Variants in CACHD1 observed in about 807,000 individuals in gnomAD.
The protein encoded by CACHD1 is cache domain containing 1.
CACHD1 carries 71 observed loss-of-function variants against 138.7 expected under a neutral mutation model. The ratio of observed to expected loss-of-function variants is 0.51; its 90% CI spans 0.42 to 0.62. The LOEUF is 0.62. Ranked by LOEUF, CACHD1 falls within the 20% of genes least tolerant of loss-of-function variation. The pLI is 0.00. For missense variants in CACHD1, 1,389 were observed against 1,625.3 expected (o/e 0.85, Z 2.50); for synonymous variants, 578 against 591.5 (o/e 0.98, Z 0.33).
intron 7 of CACHD1, among the ~76,000 whole-genome samples, chr1:64,638,333 G>A (rs995231175): frequency 1.3e-5 from 2 of 152,178 alleles, no homozygotes; most frequent in Non-Finnish European, 1.5e-5. Flanking sequence ...TACTCTTGAC[G>A]ATTGTTGTAA....
chr1:64,631,327 ACT>A (rs1422105312), intron 5 of CACHD1, among the ~76,000 whole-genome samples: 1 of 151,918 alleles, frequency 6.6e-6, no homozygotes, highest in African/African-American at 2.4e-5. Context: ...TCTTTTCTGT[ACT>A]CTGTTTCATT....
At chr1:64,544,429 C>T (rs1469061822) in intron 1 of CACHD1, among the ~76,000 whole-genome samples, 1 of 152,070 alleles carries the variant, frequency 6.6e-6, no homozygotes, top group Non-Finnish European at 1.5e-5. Context: ...GTCCTTGTTC[C>T]AGCAAAGTGG....
In CACHD1 at chr1:64,654,410, T is replaced by C. The variant is rs1649197572; in HGVS notation, c.1665-276T>C. Among the ~76,000 whole-genome samples the C allele has an allele frequency of 2.6e-5, 4 of 152,198 alleles. No homozygotes were observed. In the South Asian group the frequency reaches 8.3e-4, roughly 32 times the overall value. ...AGGAATGGGTCTTTGTGCTCATTGG[T>C]TGAAAATTAATGACTGAGTGATTTG... On this transcript the variant is annotated intron_variant, in intron 11 of 26. Transcript: ENST00000651257.
chr1:64,558,608 A>AG (rs1356836159), intron 2 of CACHD1, among the ~76,000 whole-genome samples: 2 of 152,218 alleles, frequency 1.3e-5, no homozygotes, highest in African/African-American at 2.4e-5. Context: ...CACGACAAAG[A>AG]CACCAAGAGC....
At chr1:64,600,637 A>T (rs974471295) in intron 3 of CACHD1, among the ~76,000 whole-genome samples, 1 of 152,222 alleles carries the variant, frequency 6.6e-6, no homozygotes, top group Non-Finnish European at 1.5e-5. Context: ...AACAAAATCA[A>T]CAAGACATGG....
intron 1 of CACHD1, among the ~76,000 whole-genome samples, chr1:64,487,454 T>A (rs984464940): frequency 6.6e-6 from 1 of 152,154 alleles, no homozygotes; most frequent in African/African-American, 2.4e-5. Context: ...CCAAAGCTCC[T>A]AGAGCTGGGT....
Position 64,647,924 on chromosome 1 carries a change from A to G in CACHD1, c.1280A>G (p.Asn427Ser). The G allele has an allele frequency of 1.2e-6, 2 of 1,614,142 alleles. No homozygotes were observed. The highest frequency in any genetic ancestry group is 1.7e-6 in the Non-Finnish European group (2 of 1,180,008). ...PVIKGSMMVL[N>S]QLSNLETTVG... ...ATTAAGGGCAGCATGATGGTGCTGA[A>G]TCAGTTGAGCAACCTGGAGACCACA... The change falls in exon 9 of 27, where the codon AAT becomes AGT. Residue 427 changes from asparagine to serine, a missense_variant. Asn to Ser is a conservative substitution (Grantham distance 46, BLOSUM62 1). Transcript: ENST00000651257.
chr1:64,555,212 C>T (rs923507383), intron 2 of CACHD1, among the ~76,000 whole-genome samples: 2 of 152,066 alleles, frequency 1.3e-5, no homozygotes, highest in South Asian at 2.1e-4. Context: ...TGGTCTTGAA[C>T]TCCTGAGCTC....
chr1:64,581,052 C>T (rs1647008557), intron 2 of CACHD1, among the ~76,000 whole-genome samples: 1 of 152,116 alleles, frequency 6.6e-6, no homozygotes, highest in African/African-American at 2.4e-5. Flanking sequence ...ACATTATACT[C>T]ATATCCCTTT....
intron 16 of CACHD1, among the ~76,000 whole-genome samples, chr1:64,669,248 A>G (rs1396529792): frequency 6.6e-6 from 1 of 152,190 alleles, no homozygotes; most frequent in Non-Finnish European, 1.5e-5. Context: ...AGAATTAGAG[A>G]TGATGCATGC....
chr1:64,487,340 C>G (rs764759537), intron 1 of CACHD1, among the ~76,000 whole-genome samples: 9 of 152,114 alleles, frequency 5.9e-5, no homozygotes, highest in Non-Finnish European at 1.0e-4. Flanking sequence ...CTTTCTCCCC[C>G]CAGGCTTTGA....
At chr1:64,608,869 G>C (rs1647426294) in intron 4 of CACHD1, among the ~76,000 whole-genome samples, 1 of 152,112 alleles carries the variant, frequency 6.6e-6, no homozygotes, top group South Asian at 2.1e-4. Flanking sequence ...TTGCTCTCTT[G>C]AGTTATGCAA....
At chr1:64,481,218 G>A (rs1646210092) in intron 1 of CACHD1, among the ~76,000 whole-genome samples, 1 of 152,098 alleles carries the variant, frequency 6.6e-6, no homozygotes, top group South Asian at 2.1e-4. Context: ...ACATGATAAT[G>A]TCTTGGTTCT....
chr1:64,543,298 G>A (rs1307326766), intron 1 of CACHD1, among the ~76,000 whole-genome samples: 2 of 150,958 alleles, frequency 1.3e-5, no homozygotes, highest in Non-Finnish European at 2.9e-5. Context: ...GCTCATGCCT[G>A]TTATCCCAGC....
rs776603762 is a variant in CACHD1 at position 64,654,700 on chromosome 1, G to A, written c.1679G>A (p.Ser560Asn). 6.2e-7 allele frequency: 1 copy of A among 1,613,046 alleles called. No homozygotes were observed. The highest frequency in any genetic ancestry group is 8.5e-7 in the Non-Finnish European group (1 of 1,179,266). The change falls in exon 12 of 27, where the codon AGC becomes AAC. Residue 560 changes from serine to asparagine, a missense_variant. Physicochemically the swap from Ser to Asn is conservative, Grantham distance 46. Transcript: ENST00000651257. ...TGCCAACACAGCCTCCCTCTGGGCA[G>A]CCAGATTATCGCAGTCCCTGTGAAC... ...RQNILSLPLGSQIIAVPVNSS... is the reference protein window; with the variant it reads ...RQNILSLPLGNQIIAVPVNSS...
intron 12 of CACHD1, among the ~76,000 whole-genome samples, chr1:64,656,875 G>A (rs1053975492): frequency 2.6e-5 from 4 of 151,774 alleles, no homozygotes; most frequent in Non-Finnish European, 5.9e-5. Context: ...TGGGGAGGAG[G>A]GTAGATACTT....
intron 1 of CACHD1, among the ~76,000 whole-genome samples, chr1:64,483,650 T>C (rs1570294823): frequency 7.4e-6 from 1 of 134,768 alleles, no homozygotes; most frequent in Middle Eastern, 4.1e-3. Context: ...TCAAGACCAG[T>C]GTAGGCAACA....
At position 64,477,624 on chromosome 1, in the gene CACHD1, A is replaced by ATTG. The variant is rs1185911415; in HGVS notation, c.198+6684_198+6685insGTT. On this transcript the variant is annotated intron_variant, in intron 1 of 26. Transcript: ENST00000651257. ...TATTATTATTATTATTATTATTATT[A>ATTG]TTTTATTTTATTTTTTTTTTTGAGA... Among the ~76,000 whole-genome samples, 69 of 104,186 alleles carry ATTG rather than the reference A, an allele frequency of 6.6e-4. No individual in the cohort carries two copies. The Middle Eastern group carries it at 0.018, about 28-fold the overall frequency. 68.4% of individuals were successfully genotyped at this position (104,186 alleles called of 152,430 possible).
chr1:64,666,302 A>T (rs1649631308), intron 16 of CACHD1, 135 bp downstream of exon 16: 1 of 526,178 alleles, frequency 1.9e-6, no homozygotes, highest in Non-Finnish European at 3.3e-6. Flanking sequence ...TGGGATTTGA[A>T]CATCTTCTCT....
Sources: gnomAD v4.1 joint callset for allele counts (sites outside exome capture counted in the v4.1 genomes callset) on GRCh38, gnomAD v4.1.1 for gene constraint, MANE v1.5 for transcripts, NCBI Gene and HGNC (gene_info 2026-07-23, HGNC 2026-07-21) for gene names.